MPC2: variants seen among roughly 807,000 people sequenced by gnomAD.
The protein encoded by MPC2 is mitochondrial pyruvate carrier 2.
A neutral mutation model predicts 19.2 loss-of-function variants in MPC2; 19 were observed. The ratio of observed to expected loss-of-function variants is 0.99; its 90% CI spans 0.69 to 1.45. The LOEUF (loss-of-function observed/expected upper bound fraction) is 1.45, where lower values mean the gene tolerates loss of function less well. Ranked by LOEUF, MPC2 falls within the 40% of genes most tolerant of loss-of-function variation. The pLI is 0.00. For synonymous variants in MPC2, 61 were observed against 54.3 expected (o/e 1.12, Z -0.54); for missense variants, 122 against 153.0 (o/e 0.80, Z 1.07).
intron 4 of MPC2, 101 bp downstream of exon 4, chr1:167,920,446 G>A: frequency 8.7e-7 from 1 of 1,143,708 alleles, no homozygotes; most frequent in South Asian, 1.5e-5. Flanking sequence ...CTTTGTGTGT[G>A]GGTGTATTTC....
At chr1:167,936,406 C>T (rs988004398) in intron 1 of MPC2, 3 of 177,598 alleles carry the variant, frequency 1.7e-5, no homozygotes, top group Non-Finnish European at 2.4e-5. Context: ...ACTGGAGACT[C>T]GTGAGCGAGA....
chr1:167,930,815 T>C (rs573457674), intron 2 of MPC2, among the ~76,000 whole-genome samples: 1 of 152,358 alleles, frequency 6.6e-6, no homozygotes, highest in African/African-American at 2.4e-5. Flanking sequence ...GACCTGGAAA[T>C]GATAAACTAT....
Position 167,918,795 on chromosome 1 carries a change from G to C in MPC2, c.348-436C>G, listed in dbSNP as rs185012800. On this transcript the variant is annotated intron_variant, in intron 5 of 5. Transcript: ENST00000271373. ...TTTTTAGTAGAGATGGTGTTTCACC[G>C]TGTTAGCCAGGATGGTCTCGATCTC... Among the ~76,000 whole-genome samples the C allele has an allele frequency of 2.0e-5, 3 of 152,012 alleles. No individual in the cohort carries two copies. The South Asian group carries it at 6.2e-4, about 32-fold the overall frequency.
At chr1:167,920,344 C>T (rs1670569446) in intron 4 of MPC2, among the ~76,000 whole-genome samples, 2 of 152,128 alleles carry the variant, frequency 1.3e-5, no homozygotes, top group Admixed American at 1.3e-4. Context: ...ATGGCAAAAA[C>T]CTGAAAAGCA....
At chr1:167,920,810 G>C (rs1222838635) in intron 3 of MPC2, among the ~76,000 whole-genome samples, 179 bp from the exon 4 acceptor site, 1 of 152,114 alleles carries the variant, frequency 6.6e-6, no homozygotes, top group Non-Finnish European at 1.5e-5. Context: ...TTAAAAAACT[G>C]CTTTTTGAAC....
rs1257768831 is a variant in MPC2 at position 167,917,764 on chromosome 1, A to C, written c.*559T>G. On this transcript the variant is annotated 3_prime_UTR_variant, in exon 6 of 6. Coordinates refer to ENST00000271373, the MANE Select transcript of MPC2 (RefSeq NM_001143674.4). ...AGGCACTATGTTAAAACATTATCTC[A>C]TTAATCTTTACAATGATCCTATTTA... is the stretch of plus-strand genomic sequence containing the variant. 6.6e-6 allele frequency: 1 copy of C among 152,298 alleles called. No individual in the cohort carries two copies. Among genetic ancestry groups the C allele is most frequent in the African/African-American group, 2.4e-5 (1 of 41,444 alleles). The allele number at this position is 152,298 out of a possible 1,614,324, so 9.4% of individuals were successfully genotyped here.
chr1:167,934,371 GATTATTACAAAA>G (rs1671000577), intron 2 of MPC2, among the ~76,000 whole-genome samples: 1 of 152,096 alleles, frequency 6.6e-6, no homozygotes, highest in Non-Finnish European at 1.5e-5. Flanking sequence ...GTAAAGCCCA[GATTATTACAAAA>G]AGCATAGCTC....
chr1:167,923,442 T>C (rs1670651679), intron 3 of MPC2, among the ~76,000 whole-genome samples: 1 of 152,154 alleles, frequency 6.6e-6, no homozygotes, highest in Non-Finnish European at 1.5e-5. Flanking sequence ...ATAAGCCAAC[T>C]ACAAAAAGAC....
Position 167,935,916 on chromosome 1 carries a change from C to G in MPC2, c.-57-18G>C, listed in dbSNP as rs1671147625. The G allele has an allele frequency of 1.7e-6, 2 of 1,176,196 alleles. No homozygotes were observed. The highest frequency in any genetic ancestry group is 2.5e-6 in the Non-Finnish European group (2 of 810,574). The allele number at this position is 1,176,196 out of a possible 1,614,324, so 72.9% of individuals were successfully genotyped here. ...GTCCCTGGCTGACAACGAAGGGGAG[C>G]TAGTCACTTTTCCTGCCACGACGAC... On this transcript the variant is annotated intron_variant, in intron 1 of 5. Transcript: ENST00000271373.
rs746939898 is a variant in MPC2 at position 167,936,665 on chromosome 1, A to G, written c.-58+274T>C. 2.1e-5 allele frequency: 9 copies of G among 435,972 alleles called. No homozygotes were observed. The East Asian group carries it at 2.1e-4, about 10-fold the overall frequency. 27.0% of individuals were successfully genotyped at this position (435,972 alleles called of 1,614,324 possible). A position where few individuals can be genotyped will look rare whatever the true frequency, so the allele number is the denominator to read the frequency against. Reference sequence around the variant, plus strand: ...CCTGTTGGAGGGGGGCTGAGGGAGGAGACTGTTGCTGATCTTTGGATGTTC... The same window carrying G: ...CCTGTTGGAGGGGGGCTGAGGGAGGGGACTGTTGCTGATCTTTGGATGTTC... On this transcript the variant is annotated intron_variant, in intron 1 of 5. Transcript: ENST00000271373.
intron 2 of MPC2, among the ~76,000 whole-genome samples, chr1:167,925,824 G>A (rs1329600974): frequency 3.3e-5 from 5 of 152,094 alleles, no homozygotes; most frequent in African/African-American, 7.2e-5. Flanking sequence ...TGGGATTACA[G>A]GCGTGAGCCA....
chr1:167,924,438 AG>A, intron 3 of MPC2, 58 bp downstream of exon 3: 1 of 1,405,342 alleles, frequency 7.1e-7, no homozygotes, highest in Non-Finnish European at 9.9e-7. Context: ...ACTTCAAATT[AG>A]TAAATTCCTA....
In MPC2 at chr1:167,918,305, A is replaced by T. The variant is rs780359074; in HGVS notation, c.*18T>A. ...GGTTTTGTCCACATCTAGATTGTTC[A>T]GGTGATCAGGAACTCTTTTATTTGT... On this transcript the variant is annotated 3_prime_UTR_variant, in exon 6 of 6. Coordinates refer to ENST00000271373, the MANE Select transcript of MPC2 (RefSeq NM_001143674.4). 21 of 1,560,238 alleles carry T rather than the reference A, an allele frequency of 1.3e-5. No individual in the cohort carries two copies. The highest frequency in any genetic ancestry group is 1.8e-5 in the Non-Finnish European group (21 of 1,136,248).
intron 2 of MPC2, among the ~76,000 whole-genome samples, chr1:167,927,495 C>G (rs1670790372): frequency 1.3e-5 from 2 of 152,268 alleles, no homozygotes; most frequent in African/African-American, 4.8e-5. Context: ...AAGAGTCAGT[C>G]CATGTATTGT....
intron 5 of MPC2, among the ~76,000 whole-genome samples, chr1:167,919,631 A>G (rs1247684052): frequency 1.3e-5 from 2 of 152,346 alleles, no homozygotes; most frequent in Non-Finnish European, 2.9e-5. Context: ...AGAAATTAAT[A>G]AATCATAAAC....
At chr1:167,936,847 G>A in intron 1 of MPC2, 92 bp downstream of exon 1, 1 of 1,363,806 alleles carries the variant, frequency 7.3e-7, no homozygotes, top group East Asian at 2.5e-5. Context: ...TGAAACGGGT[G>A]TCCCCTCCCC....
At chr1:167,925,442 C>CGTATATATATATATATAT (rs1553200802) in intron 2 of MPC2, among the ~76,000 whole-genome samples, 9 of 82,468 alleles carry the variant, frequency 1.1e-4, no homozygotes, top group Admixed American at 1.3e-4. Context: ...TACATATACA[C>CGTATATATATATATATAT]ATATATATAT....
chr1:167,925,835 C>T (rs1670744399), intron 2 of MPC2, among the ~76,000 whole-genome samples: 1 of 152,154 alleles, frequency 6.6e-6, no homozygotes, highest in South Asian at 2.1e-4. Flanking sequence ...GCGTGAGCCA[C>T]CGTGCCCGGC....
intron 2 of MPC2, among the ~76,000 whole-genome samples, chr1:167,925,516 C>A (rs1177846878): frequency 3.4e-5 from 4 of 116,370 alleles, no homozygotes; most frequent in Admixed American, 8.9e-5. Context: ...CACATACAAA[C>A]AACGTTTTTT....
Sources: allele counts gnomAD v4.1 joint callset (sites outside exome capture counted in the v4.1 genomes callset), GRCh38; gene constraint gnomAD v4.1.1; transcripts MANE v1.5; gene names NCBI Gene and HGNC (gene_info 2026-07-23, HGNC 2026-07-21).